RANBP2: variants seen among roughly 807,000 people sequenced by gnomAD.
RANBP2 encodes RAN binding protein 2, also known as E3 SUMO-protein ligase RanBP2.
RANBP2 carries 57 observed loss-of-function variants against 303.6 expected under a neutral mutation model. The observed-to-expected ratio is 0.19, with a 90% CI of 0.15 to 0.23. RANBP2 has a LOEUF of 0.23. RANBP2 is among the 10% of genes least tolerant of loss of function. RANBP2 has a pLI of 1.00. For synonymous variants in RANBP2, 1,167 were observed against 1,301.5 expected, an observed-to-expected ratio of 0.90 and a Z score of 2.23; for missense variants, 3,138 against 3,780.8, an observed-to-expected ratio of 0.83 and a Z score of 4.46.
the RANBP2 span, among the ~76,000 whole-genome samples, chr2:108,894,047 A>AACAG: frequency 3.3e-5 from 5 of 152,166 alleles, no homozygotes; most frequent in Non-Finnish European, 7.3e-5. Flanking sequence ...AAGGTATTCC[A>AACAG]ACAGACAGAG....
the RANBP2 span, among the ~76,000 whole-genome samples, chr2:109,264,432 A>C: frequency 2.0e-5 from 3 of 151,716 alleles, no homozygotes; most frequent in Non-Finnish European, 4.4e-5. Flanking sequence ...CCCACGATCC[A>C]CCCCAAGTCT....
chr2:109,314,555 T>G, the RANBP2 span, among the ~76,000 whole-genome samples: 1 of 152,176 alleles, frequency 6.6e-6, no homozygotes, highest in Admixed American at 6.5e-5. Flanking sequence ...ACTAATACAT[T>G]TTTATTATTC....
chr2:109,277,351 T>C, the RANBP2 span, among the ~76,000 whole-genome samples: 1 of 152,318 alleles, frequency 6.6e-6, no homozygotes, highest in South Asian at 2.1e-4. Flanking sequence ...TTTCTCAGTG[T>C]CATTTCATTT....
chr2:108,894,418 C>G, the RANBP2 span: 1 of 152,488 alleles, frequency 6.6e-6, no homozygotes, highest in Admixed American at 6.6e-5. Flanking sequence ...CCACTCACCC[C>G]CCGACCCACC....
chr2:109,170,111 G>A, the RANBP2 span, among the ~76,000 whole-genome samples: 1 of 152,062 alleles, frequency 6.6e-6, no homozygotes, highest in Non-Finnish European at 1.5e-5. Flanking sequence ...AGTTTCCTTA[G>A]GCTATGAAGG....
the RANBP2 span, among the ~76,000 whole-genome samples, chr2:109,159,166 G>A: frequency 6.6e-6 from 1 of 152,182 alleles, no homozygotes; most frequent in Non-Finnish European, 1.5e-5. Context: ...CCCATGAGAA[G>A]GGGACTCAGG....
the RANBP2 span, among the ~76,000 whole-genome samples, chr2:109,733,739 G>A: frequency 5.3e-5 from 8 of 152,068 alleles, no homozygotes; most frequent in East Asian, 9.7e-4. Flanking sequence ...GAGCACGGTG[G>A]CATGAACCTG....
the RANBP2 span, among the ~76,000 whole-genome samples, chr2:108,989,614 C>T: frequency 6.6e-6 from 1 of 152,174 alleles, no homozygotes; most frequent in African/African-American, 2.4e-5. Flanking sequence ...CCCCGCACAT[C>T]CCTCAGGGTT....
chr2:109,123,002 G>A, the RANBP2 span, among the ~76,000 whole-genome samples: 1 of 152,158 alleles, frequency 6.6e-6, no homozygotes, highest in Admixed American at 6.5e-5. Flanking sequence ...GCACAGTGAC[G>A]GTGAACTAGT....
At chr2:109,055,960 A>G in the RANBP2 span, among the ~76,000 whole-genome samples, 2 of 151,400 alleles carry the variant, frequency 1.3e-5, no homozygotes, top group Non-Finnish European at 2.9e-5. Flanking sequence ...GGGTTTCACC[A>G]TCTTGGCCAG....
chr2:109,498,346 A>G, the RANBP2 span, among the ~76,000 whole-genome samples: 2 of 152,150 alleles, frequency 1.3e-5, no homozygotes, highest in South Asian at 4.1e-4. Context: ...AGTCAGCCTC[A>G]GGAGCCCATC....
At chr2:109,093,420 A>AG in the RANBP2 span, among the ~76,000 whole-genome samples, 1 of 151,468 alleles carries the variant, frequency 6.6e-6, no homozygotes, top group East Asian at 1.9e-4. Context: ...AAAAAAAAAA[A>AG]AAAAAGAAAG....
chr2:108,966,710 G>C, the RANBP2 span, among the ~76,000 whole-genome samples: 1 of 152,360 alleles, frequency 6.6e-6, no homozygotes, highest in East Asian at 1.9e-4. Context: ...TCTGCCTGTA[G>C]AGAAGGGCTT....
chr2:109,407,107 G>A, the RANBP2 span, among the ~76,000 whole-genome samples: 1 of 152,230 alleles, frequency 6.6e-6, no homozygotes, highest in East Asian at 1.9e-4. Flanking sequence ...CCTCTGGGCA[G>A]GGGCTCTTGC....
the RANBP2 span, among the ~76,000 whole-genome samples, chr2:109,599,386 A>G: frequency 6.8e-6 from 1 of 147,004 alleles, no homozygotes; most frequent in East Asian, 2.1e-4. Context: ...TGAACTCAGG[A>G]GGCGGAGGTT....
At chr2:109,554,833 C>A in the RANBP2 span, among the ~76,000 whole-genome samples, 1 of 152,086 alleles carries the variant, frequency 6.6e-6, no homozygotes, top group African/African-American at 2.4e-5. Context: ...ATGAAGCCAC[C>A]CGTGTTAGTG....
At chr2:109,585,072 G>T in the RANBP2 span, 1 of 1,120,160 alleles carries the variant, frequency 8.9e-7, no homozygotes, top group Non-Finnish European at 1.3e-6. Context: ...GGGCTATAAG[G>T]CGAATGTCTT....
the RANBP2 span, among the ~76,000 whole-genome samples, chr2:109,125,180 C>T: frequency 3.9e-5 from 6 of 152,228 alleles, no homozygotes; most frequent in East Asian, 9.7e-4. Flanking sequence ...GCCACCTGCC[C>T]CATAGCTGCT....
the RANBP2 span, among the ~76,000 whole-genome samples, chr2:108,804,335 T>G: frequency 3.3e-5 from 5 of 152,190 alleles, no homozygotes; most frequent in African/African-American, 1.2e-4. Flanking sequence ...ATAGAACTGA[T>G]TAAGAAGAGT....
Sources: allele counts gnomAD v4.1 joint callset (sites outside exome capture counted in the v4.1 genomes callset), GRCh38; gene constraint gnomAD v4.1.1; transcripts MANE v1.5; gene names NCBI Gene and HGNC (gene_info 2026-07-23, HGNC 2026-07-21).